The following JADE2 variants were observed in gnomAD, a reference collection of about 807,000 sequenced individuals.
JADE2 encodes E3 ubiquitin-protein ligase Jade-2.
In JADE2, 13 loss-of-function variants were observed where a neutral mutation model predicts 85.7. That is an observed-to-expected ratio of 0.15 (90% CI 0.10 to 0.24). The LOEUF is 0.24. Ranked by LOEUF, JADE2 falls within the 10% of genes least tolerant of loss-of-function variation. The pLI is 1.00. For synonymous variants in JADE2, 440 were observed against 456.1 expected (o/e 0.96, Z 0.45); for missense variants, 846 against 1,115.9 (o/e 0.76, Z 3.45).
intron 9 of JADE2, among the ~76,000 whole-genome samples, chr5:134,567,318 G>A (rs926181251): frequency 5.9e-5 from 9 of 152,224 alleles, no homozygotes; most frequent in Non-Finnish European, 1.3e-4. Flanking sequence ...TGGAGGAGAA[G>A]TCCCAGAGTC....
chr5:134,566,249 G>C lies in JADE2; in HGVS notation c.1103G>C (p.Gly368Ala). 6.2e-7 allele frequency: 1 copy of C among 1,614,122 alleles called. No individual in the cohort carries two copies. Among genetic ancestry groups the C allele is most frequent in the Non-Finnish European group, 8.5e-7 (1 of 1,180,036 alleles). ...TTCTGCCAGGAGCACAGTGACGGGG[G>C]CCCACGTAATGAGCCCACATCTGAG... ...KSFCQEHSDG[G>A]PRNEPTSEPT... is the part of the protein sequence containing the mutation. The change falls in exon 9 of 12, where the codon GGC becomes GCC. Residue 368 changes from glycine (G) to alanine (A), a missense_variant. This residue lies in a region of JADE2 where 39 missense variants were observed against 37.6 expected (regional missense o/e 1.04). Coordinates refer to ENST00000681547, the MANE Select transcript of JADE2 (RefSeq NM_001388185.1). This position sits in a 1 kb window ranked among gnomAD's most constrained non-coding sequence, Gnocchi z 6.7.
intron 1 of JADE2, among the ~76,000 whole-genome samples, chr5:134,527,453 G>A (rs1760924469): frequency 2.0e-5 from 3 of 151,902 alleles, no homozygotes; most frequent in Admixed American, 2.0e-4. Context: ...GCTTCCAGAG[G>A]CCCAGCCCTG....
intron 9 of JADE2, among the ~76,000 whole-genome samples, chr5:134,572,424 G>T (rs911036310): frequency 6.6e-6 from 1 of 152,232 alleles, no homozygotes; most frequent in East Asian, 1.9e-4. Flanking sequence ...GTACGCAGAA[G>T]AGAGGTCTGA....
At chr5:134,528,781 G>GT (rs1438825714) in intron 1 of JADE2, among the ~76,000 whole-genome samples, 1 of 152,184 alleles carries the variant, frequency 6.6e-6, no homozygotes, top group Non-Finnish European at 1.5e-5. Context: ...TTGGCCAAGG[G>GT]TCCCCCCATC....
chr5:134,545,799 CTAA>C (rs1322040211), intron 3 of JADE2, among the ~76,000 whole-genome samples: 2 of 152,198 alleles, frequency 1.3e-5, no homozygotes, highest in Non-Finnish European at 2.9e-5. Context: ...GCTGTCATTT[CTAA>C]TGAGATGAGG....
intron 3 of JADE2, among the ~76,000 whole-genome samples, chr5:134,544,762 C>T (rs1355797921): frequency 1.3e-5 from 2 of 152,160 alleles, no homozygotes; most frequent in Non-Finnish European, 2.9e-5. Context: ...AAGAGGGTGT[C>T]CCCCAGACCC....
chr5:134,545,391 G>T (rs1157514414), intron 3 of JADE2, among the ~76,000 whole-genome samples: 1 of 151,126 alleles, frequency 6.6e-6, no homozygotes, highest in Non-Finnish European at 1.5e-5. Context: ...GAAAATAAAA[G>T]AAAGAGACGT....
At chr5:134,565,293 A>C (rs919917945) in intron 8 of JADE2, among the ~76,000 whole-genome samples, 1 of 152,234 alleles carries the variant, frequency 6.6e-6, no homozygotes, top group Non-Finnish European at 1.5e-5. Flanking sequence ...CGGACCTTCA[A>C]AAGGATTTGT....
Position 134,564,568 on chromosome 5 carries a change from G to T in JADE2, c.927G>T (p.Leu309=). The change falls in exon 8 of 12, where the codon CTG becomes CTT. Residue 309 remains leucine, a synonymous_variant. Transcript: ENST00000681547. Reference sequence around the variant, plus strand: ...ATATCCCAGCCAGCCGCTGGGCTCTGTCCTGCAGCCTCTGCAAGGAATGCA... The same window carrying T: ...ATATCCCAGCCAGCCGCTGGGCTCTTTCCTGCAGCCTCTGCAAGGAATGCA... ...ISHIPASRWA[L]SCSLCKECTG... 1 of 1,568,008 alleles carries T rather than the reference G, an allele frequency of 6.4e-7. No homozygotes were observed. Among genetic ancestry groups the T allele is most frequent in the Non-Finnish European group, 8.6e-7 (1 of 1,156,118 alleles).
chr5:134,530,580 T>A (rs1305287481), intron 1 of JADE2, among the ~76,000 whole-genome samples: 2 of 152,090 alleles, frequency 1.3e-5, no homozygotes, highest in Admixed American at 1.3e-4. Context: ...CCCAGGGTGT[T>A]TATTTGAGTT....
chr5:134,555,851 T>C (rs1762878341), intron 4 of JADE2, among the ~76,000 whole-genome samples: 1 of 152,184 alleles, frequency 6.6e-6, no homozygotes, highest in African/African-American at 2.4e-5. Flanking sequence ...TGGGGTGTGG[T>C]CATACCCTGA....
upstream of JADE2, chr5:134,525,625 T>C: frequency 1.4e-6 from 1 of 699,512 alleles, no homozygotes. Context: ...AACACATTTT[T>C]TTTTTCTAAA....
In JADE2 at chr5:134,532,942, CAATT is replaced by C. The variant is rs933546375; in HGVS notation, c.1-2913_1-2910del. On this transcript the variant is annotated intron_variant, in intron 1 of 11. Coordinates refer to ENST00000681547, the MANE Select transcript of JADE2 (RefSeq NM_001388185.1). ...TCCTTCTCAAGCCTAGTTGTTATAA[CAATT>C]AAGCCACCACAAAATCTGCTCCCTT... 2.6e-4 allele frequency among the ~76,000 whole-genome samples: 40 copies of C among 152,224 alleles called. 1 individual carries two copies. Among genetic ancestry groups the C allele is most frequent in the Admixed American group, 2.6e-3 (39 of 15,284 alleles).
chr5:134,537,512 A>G (rs1255571290), intron 2 of JADE2, among the ~76,000 whole-genome samples: 2 of 152,180 alleles, frequency 1.3e-5, no homozygotes, highest in African/African-American at 4.8e-5. Context: ...TGGGGTGACA[A>G]GCTAGTAAGT....
intron 4 of JADE2, among the ~76,000 whole-genome samples, chr5:134,556,785 CTCACACA>C (rs1282929415): frequency 6.9e-6 from 1 of 145,082 alleles, no homozygotes; most frequent in Non-Finnish European, 1.5e-5. Context: ...ACACACACAC[CTCACACA>C]TCACACAAAA....
In JADE2 at chr5:134,580,180, G is replaced by C. The variant is rs973630676; in HGVS notation, c.*863G>C. 6.5e-6 allele frequency: 1 copy of C among 152,714 alleles called. No individual in the cohort carries two copies. The highest frequency in any genetic ancestry group is 1.5e-5 in the Non-Finnish European group (1 of 68,136). 9.5% of individuals were successfully genotyped at this position (152,714 alleles called of 1,614,324 possible). A position where few individuals can be genotyped will look rare whatever the true frequency, so the allele number is the denominator to read the frequency against. On this transcript the variant is annotated 3_prime_UTR_variant, in exon 12 of 12. Transcript: ENST00000681547. ...AGGCTCCAACTTCCTTCCTTCCTTC[G>C]GGGCCAGTCTCGGCCGAAGTCTGGT... is the stretch of plus-strand genomic sequence containing the variant.
chr5:134,581,900 G>T lies in JADE2; in HGVS notation c.*2583G>T, dbSNP rs1764729913. 1 of 152,446 alleles carries T rather than the reference G, an allele frequency of 6.6e-6. No homozygotes were observed. The highest frequency in any genetic ancestry group is 2.1e-4 in the South Asian group (1 of 4,836). The allele number at this position is 152,446 out of a possible 1,614,324, so 9.4% of individuals were successfully genotyped here. Reference sequence around the variant, plus strand: ...GATGCCAGCCACCCATCCTCCCCCAGTTCCCAGCCTTTCCCCTGTTGGTCA... The same window carrying T: ...GATGCCAGCCACCCATCCTCCCCCATTTCCCAGCCTTTCCCCTGTTGGTCA... On this transcript the variant is annotated 3_prime_UTR_variant, in exon 12 of 12. Transcript: ENST00000681547.
At chr5:134,545,198 T>C (rs1264140872) in intron 3 of JADE2, among the ~76,000 whole-genome samples, 1 of 152,162 alleles carries the variant, frequency 6.6e-6, no homozygotes, top group South Asian at 2.1e-4. Flanking sequence ...TCCGCTAGGC[T>C]AAGTGCCTGC....
chr5:134,532,760 G>C (rs1761324460), intron 1 of JADE2, among the ~76,000 whole-genome samples: 1 of 152,144 alleles, frequency 6.6e-6, no homozygotes, highest in African/African-American at 2.4e-5. Context: ...TGTCCCTCTT[G>C]CTGAGGTTGC....
Sources: gnomAD v4.1 joint callset for allele counts (sites outside exome capture counted in the v4.1 genomes callset) on GRCh38, gnomAD v4.1.1 for gene constraint, gnomAD v4.1.1 regional missense constraint, Gnocchi (gnomAD v3.1) non-coding constraint, MANE v1.5 for transcripts, NCBI Gene and HGNC (gene_info 2026-07-23, HGNC 2026-07-21) for gene names.